The following RGS7 variants were observed in gnomAD, a reference collection of about 807,000 sequenced individuals.
The protein encoded by RGS7 is regulator of G protein signaling 7.
In RGS7, 27 loss-of-function variants were observed where a neutral mutation model predicts 81.1. The ratio of observed to expected loss-of-function variants is 0.33; its 90% CI spans 0.25 to 0.46. RGS7 has a LOEUF of 0.46. RGS7 is among the 20% of genes least tolerant of loss of function. The pLI is 1.00. For synonymous variants in RGS7, 208 were observed against 207.7 expected (o/e 1.00, Z -0.01); for missense variants, 396 against 607.4 (o/e 0.65, Z 3.66).
At chr1:240,943,790 A>G (rs1678004837) in intron 4 of RGS7, among the ~76,000 whole-genome samples, 2 of 152,166 alleles carry the variant, frequency 1.3e-5, no homozygotes, top group African/African-American at 4.8e-5. Context: ...TACTGTGAAT[A>G]CCAGATGCCA....
At chr1:240,835,161 A>G (rs1694513241) in intron 9 of RGS7, among the ~76,000 whole-genome samples, 1 of 152,182 alleles carries the variant, frequency 6.6e-6, no homozygotes, top group African/African-American at 2.4e-5. Flanking sequence ...CTGTCAAGAG[A>G]ATGAGAAGAC....
intron 3 of RGS7, among the ~76,000 whole-genome samples, chr1:241,030,373 T>TATATATACACAC (rs374223475): frequency 2.2e-5 from 3 of 135,186 alleles, no homozygotes; most frequent in African/African-American, 8.5e-5. Flanking sequence ...TATATATATA[T>TATATATACACAC]ACATACACAC....
At chr1:241,221,030 G>A (rs1379544658) in intron 2 of RGS7, among the ~76,000 whole-genome samples, 2 of 99,172 alleles carry the variant, frequency 2.0e-5, no homozygotes, top group African/African-American at 7.1e-5. Context: ...AGGAAGGAAG[G>A]AAGGAAGGAA....
intron 2 of RGS7, among the ~76,000 whole-genome samples, chr1:241,106,546 T>C (rs2065111631): frequency 6.7e-6 from 1 of 148,764 alleles, no homozygotes; most frequent in African/African-American, 2.5e-5. Context: ...AAATTCTGTC[T>C]CTACTAAAAA....
At chr1:241,045,903 T>C (rs2060899840) in intron 3 of RGS7, among the ~76,000 whole-genome samples, 1 of 152,110 alleles carries the variant, frequency 6.6e-6, no homozygotes, top group African/African-American at 2.4e-5. Context: ...GATTCCTCTC[T>C]TCTCTCCCCT....
At chr1:241,221,008 AG>A (rs2074922739) in intron 2 of RGS7, among the ~76,000 whole-genome samples, 1 of 41,222 alleles carries the variant, frequency 2.4e-5, no homozygotes, top group Non-Finnish European at 5.1e-5. Context: ...AGAGAGAGAA[AG>A]GAAGGAAGGA....
At chr1:241,335,755 G>C (rs990088904) in intron 2 of RGS7, among the ~76,000 whole-genome samples, 3 of 151,972 alleles carry the variant, frequency 2.0e-5, no homozygotes, top group African/African-American at 4.8e-5. Context: ...AGTTTTCCAG[G>C]GGCTGCAGGA....
At chr1:241,032,080 G>T (rs2060110360) in intron 3 of RGS7, among the ~76,000 whole-genome samples, 2 of 152,184 alleles carry the variant, frequency 1.3e-5, no homozygotes, top group Non-Finnish European at 1.5e-5. Flanking sequence ...TTTTCCCCAG[G>T]TTTACTTCTA....
At position 241,342,134 on chromosome 1, in the gene RGS7, A is replaced by C. The variant is rs143163030; in HGVS notation, c.78+13565T>G. ...AGAAATCTGTCCACCTCAGCCTTCC[A>C]AAGTGCTGGGATTACAGGCATGAAC... On this transcript the variant is annotated intron_variant, in intron 2 of 18. Transcript: ENST00000440928. 9.7e-3 allele frequency among the ~76,000 whole-genome samples: 1,474 copies of C among 152,160 alleles called. 18 individuals carry two copies. The highest frequency in any genetic ancestry group is 0.013 in the Non-Finnish European group (886 of 67,996).
At chr1:241,012,060 G>C (rs919041678) in intron 3 of RGS7, among the ~76,000 whole-genome samples, 1 of 152,088 alleles carries the variant, frequency 6.6e-6, no homozygotes. Context: ...TTGGGGTCTG[G>C]ACTGGGACCC....
intron 3 of RGS7, among the ~76,000 whole-genome samples, chr1:241,021,281 G>C (rs558897172): frequency 6.6e-6 from 1 of 152,294 alleles, no homozygotes; most frequent in East Asian, 1.9e-4. Flanking sequence ...GCATATGCAA[G>C]GGGTGGGGTG....
Position 241,209,260 on chromosome 1 carries a change from C to A in RGS7, c.79-110498G>T, listed in dbSNP as rs76259195. Reference sequence around the variant, plus strand: ...ACACTTATCTATGTGTGATAACGCTCAGCCTAGAGGAACACAGAATGTATT... The same window carrying A: ...ACACTTATCTATGTGTGATAACGCTAAGCCTAGAGGAACACAGAATGTATT... On this transcript the variant is annotated intron_variant, in intron 2 of 18. Transcript: ENST00000440928. Among the ~76,000 whole-genome samples, 889 of 152,230 alleles carry A rather than the reference C, an allele frequency of 5.8e-3. 11 individuals carry two copies. Among genetic ancestry groups the A allele is most frequent in the African/African-American group, 0.02 (849 of 41,538 alleles).
At chr1:241,353,811 T>C (rs1470556205) in intron 2 of RGS7, among the ~76,000 whole-genome samples, 1 of 152,136 alleles carries the variant, frequency 6.6e-6, no homozygotes, top group African/African-American at 2.4e-5. Context: ...TAATGGCGAT[T>C]CGATGCTATA....
At chr1:240,821,799 G>A (rs1050585959) in intron 10 of RGS7, among the ~76,000 whole-genome samples, 5 of 152,202 alleles carry the variant, frequency 3.3e-5, no homozygotes, top group African/African-American at 1.2e-4. Flanking sequence ...GAAGGTGACA[G>A]AGGAAAAAGA....
intron 10 of RGS7, among the ~76,000 whole-genome samples, chr1:240,817,687 C>G (rs1691060513): frequency 6.6e-6 from 1 of 152,144 alleles, no homozygotes; most frequent in South Asian, 2.1e-4. Flanking sequence ...ACCGCAACCT[C>G]CGTCTCCTGG....
intron 2 of RGS7, among the ~76,000 whole-genome samples, chr1:241,237,016 T>C (rs982248376): frequency 6.6e-6 from 1 of 152,222 alleles, no homozygotes; most frequent in Admixed American, 6.5e-5. Flanking sequence ...CGAGCCCTTG[T>C]TAATGGTCTT....
chr1:241,304,631 A>G (rs976108070), intron 2 of RGS7, among the ~76,000 whole-genome samples: 2 of 152,208 alleles, frequency 1.3e-5, no homozygotes, highest in African/African-American at 4.8e-5. Flanking sequence ...CTGATCATAC[A>G]GGTTTCTTGT....
At chr1:241,047,418 C>T (rs2060993737) in intron 3 of RGS7, among the ~76,000 whole-genome samples, 1 of 152,048 alleles carries the variant, frequency 6.6e-6, no homozygotes, top group Admixed American at 6.6e-5. Context: ...CACCTTTCTT[C>T]TCTCTCTCAC....
chr1:240,954,388 T>C (rs1364239995), intron 4 of RGS7, among the ~76,000 whole-genome samples: 1 of 152,108 alleles, frequency 6.6e-6, no homozygotes, highest in Non-Finnish European at 1.5e-5. Flanking sequence ...ATAAAAAGAA[T>C]TATACACCAC....
Sources: allele counts gnomAD v4.1 joint callset (sites outside exome capture counted in the v4.1 genomes callset), GRCh38; gene constraint gnomAD v4.1.1; transcripts MANE v1.5; gene names NCBI Gene and HGNC (gene_info 2026-07-23, HGNC 2026-07-21).